The following FAM193A variants were observed in gnomAD, a reference collection of about 807,000 sequenced individuals.
FAM193A encodes protein FAM193A.
Under a neutral mutation model 126.5 loss-of-function variants are expected in FAM193A, and 22 were observed. The ratio of observed to expected loss-of-function variants is 0.17; its 90% confidence interval spans 0.12 to 0.25. The LOEUF (loss-of-function observed/expected upper bound fraction) is 0.25. Ranked by LOEUF, FAM193A falls within the 10% of genes least tolerant of loss-of-function variation. The probability of loss-of-function intolerance (pLI) is 1.00; values close to 1 mark genes in which losing one functional copy is unlikely to be tolerated. For missense variants in FAM193A, 1,675 were observed against 1,672.8 expected (o/e 1.00, Z -0.02); for synonymous variants, 761 against 646.8 (o/e 1.18, Z -2.68).
intron 1 of FAM193A, among the ~76,000 whole-genome samples, chr4:2,548,043 G>C (rs922093748): frequency 1.3e-5 from 2 of 151,286 alleles, no homozygotes; most frequent in Admixed American, 6.7e-5. Flanking sequence ...TATCCTCTTG[G>C]GAGCAGTGTT....
At chr4:2,615,224 C>G (rs771779715) in intron 2 of FAM193A, 12 of 152,348 alleles carry the variant, frequency 7.9e-5, no homozygotes, top group Non-Finnish European at 1.3e-4. Flanking sequence ...TTGTACCAGC[C>G]TGTTTGTTAT....
At chr4:2,614,187 A>T (rs1013625731) in intron 2 of FAM193A, among the ~76,000 whole-genome samples, 4 of 152,128 alleles carry the variant, frequency 2.6e-5, no homozygotes, top group Non-Finnish European at 5.9e-5. Context: ...AGTTTTTCCA[A>T]TGTGAGATTG....
intron 1 of FAM193A, among the ~76,000 whole-genome samples, chr4:2,563,749 G>T (rs1260780213): frequency 1.3e-5 from 2 of 152,148 alleles, no homozygotes; most frequent in African/African-American, 4.8e-5. Flanking sequence ...TTGAAATCTG[G>T]ATTTACATCC....
chr4:2,705,310 C>T (rs1324285076), intron 19 of FAM193A, among the ~76,000 whole-genome samples: 1 of 152,198 alleles, frequency 6.6e-6, no homozygotes. Context: ...TTTGTGTATG[C>T]TTTTCAGTCA....
intron 1 of FAM193A, among the ~76,000 whole-genome samples, chr4:2,579,955 T>G (rs1262552120): frequency 4.6e-5 from 7 of 152,188 alleles, no homozygotes; most frequent in African/African-American, 1.7e-4. Flanking sequence ...TATAAATTGT[T>G]GTGTTACAAA....
chr4:2,631,744 G>A (rs941165960), intron 5 of FAM193A, among the ~76,000 whole-genome samples: 9 of 152,174 alleles, frequency 5.9e-5, no homozygotes, highest in Non-Finnish European at 1.0e-4. Flanking sequence ...TAACAAAAGA[G>A]ACACACAGAT....
Position 2,691,319 on chromosome 4 carries a change from G to A in FAM193A, c.2803+349G>A, listed in dbSNP as rs1030696657. Among the ~76,000 whole-genome samples, 8 of 152,198 alleles carry A rather than the reference G, an allele frequency of 5.3e-5. No homozygotes were observed. In the South Asian group the frequency reaches 1.2e-3, roughly 24 times the overall value. Reference sequence around the variant, plus strand: ...CAGCCTCTGCCTCTTGGGTTCAAGCGATTCTCCTACCTCAGCCTCCCAAGT... The same window carrying A: ...CAGCCTCTGCCTCTTGGGTTCAAGCAATTCTCCTACCTCAGCCTCCCAAGT... On this transcript the variant is annotated intron_variant, in intron 15 of 20. Coordinates refer to ENST00000637812, the MANE Select transcript of FAM193A (RefSeq NM_001366318.2).
chr4:2,588,611 A>C lies in FAM193A; in HGVS notation c.256-7473A>C, dbSNP rs1371936544. 2.0e-5 allele frequency among the ~76,000 whole-genome samples: 3 copies of C among 152,116 alleles called. No homozygotes were observed. In the East Asian group the frequency reaches 5.8e-4, roughly 29 times the overall value. On this transcript the variant is annotated intron_variant, in intron 1 of 20. Transcript: ENST00000637812. ...TCGGGTGTGCAAATGGCTACTTTGG[A>C]TTTGCTTCAGGTCACTTAATTTTGA...
At chr4:2,576,058 A>T (rs1034102764) in intron 1 of FAM193A, among the ~76,000 whole-genome samples, 1 of 152,300 alleles carries the variant, frequency 6.6e-6, no homozygotes, top group South Asian at 2.1e-4. Flanking sequence ...TGATTTAAGC[A>T]GTAATACCGG....
intron 7 of FAM193A, among the ~76,000 whole-genome samples, chr4:2,647,265 C>G (rs1444772985): frequency 1.3e-5 from 2 of 152,170 alleles, no homozygotes; most frequent in Admixed American, 1.3e-4. Flanking sequence ...CCTGCCTCAG[C>G]CTCCCGAGTA....
At chr4:2,715,157 G>C (rs935380717) in intron 19 of FAM193A, among the ~76,000 whole-genome samples, 3 of 152,154 alleles carry the variant, frequency 2.0e-5, no homozygotes, top group African/African-American at 7.2e-5. Flanking sequence ...CTTGGTTTTT[G>C]TTTGGAACAA....
chr4:2,609,554 G>C (rs542642116), intron 2 of FAM193A, among the ~76,000 whole-genome samples: 6 of 152,296 alleles, frequency 3.9e-5, no homozygotes, highest in African/African-American at 1.4e-4. Flanking sequence ...CTAAGGAACT[G>C]GGTTCTCCAA....
intron 7 of FAM193A, among the ~76,000 whole-genome samples, chr4:2,657,597 T>C (rs1460456996): frequency 6.6e-6 from 1 of 152,230 alleles, no homozygotes; most frequent in Non-Finnish European, 1.5e-5. Flanking sequence ...CTGTCTTTCA[T>C]GTGAGAAAAG....
At chr4:2,725,042 A>G (rs1720569349) in intron 20 of FAM193A, among the ~76,000 whole-genome samples, 2 of 151,726 alleles carry the variant, frequency 1.3e-5, no homozygotes, top group Admixed American at 1.3e-4. Context: ...ATGCCCAGCT[A>G]ATTTTTTTGT....
intron 1 of FAM193A, among the ~76,000 whole-genome samples, chr4:2,569,026 A>G (rs1739137200): frequency 7.4e-6 from 1 of 135,934 alleles, no homozygotes; most frequent in African/African-American, 2.8e-5. Context: ...CTGGAGTGTA[A>G]TGGTATGATC....
rs1206243412 is a variant in FAM193A at position 2,645,518 on chromosome 4, TTTTC to T, written c.1164-1159_1164-1156del. Among the ~76,000 whole-genome samples, 118 of 152,062 alleles carry T rather than the reference TTTTC, an allele frequency of 7.8e-4. 1 individual carries two copies. The highest frequency in any genetic ancestry group is 4.4e-5 in the Non-Finnish European group (3 of 68,014). ...TTTCCATCTTGCCATCTTTCTTTTT[TTTTC>T]TTTCTTTTTTTCTTTTTTTATTGAG... On this transcript the variant is annotated intron_variant, in intron 6 of 20. Coordinates refer to ENST00000637812, the MANE Select transcript of FAM193A (RefSeq NM_001366318.2).
intron 14 of FAM193A, 51 bp from the exon 15 acceptor site, chr4:2,690,647 G>C: frequency 6.5e-7 from 1 of 1,543,050 alleles, no homozygotes; most frequent in Non-Finnish European, 8.8e-7. Context: ...TTAGGGTTTA[G>C]CTAAGTATGA....
intron 2 of FAM193A, among the ~76,000 whole-genome samples, chr4:2,606,231 G>A (rs1017654317): frequency 6.6e-5 from 10 of 151,094 alleles, no homozygotes; most frequent in Admixed American, 1.3e-4. Context: ...TTGTATTTTT[G>A]GTAGAGATGG....
intron 13 of FAM193A, among the ~76,000 whole-genome samples, chr4:2,685,414 C>G (rs1053564998): frequency 5.3e-5 from 8 of 152,122 alleles, no homozygotes; most frequent in African/African-American, 1.9e-4. Context: ...GCAGGTAAAG[C>G]TATGTGGATA....
Sources: gnomAD v4.1 joint callset for allele counts (sites outside exome capture counted in the v4.1 genomes callset) on GRCh38, gnomAD v4.1.1 for gene constraint, MANE v1.5 for transcripts, NCBI Gene and HGNC (gene_info 2026-07-23, HGNC 2026-07-21) for gene names.